Variants in LRIG1 observed in about 807,000 individuals in gnomAD.
LRIG1 encodes the protein leucine-rich repeats and immunoglobulin-like domains protein 1.
Under a neutral mutation model 99.2 loss-of-function variants are expected in LRIG1, and 48 were observed. That is an observed-to-expected ratio of 0.48 (90% confidence interval 0.38 to 0.62). The LOEUF (loss-of-function observed/expected upper bound fraction) is 0.62. LRIG1 is among the 20% of genes least tolerant of loss of function. LRIG1 has a pLI of 0.00. For missense variants in LRIG1, 1,646 were observed against 1,434.4 expected (o/e 1.15, Z -2.38); for synonymous variants, 772 against 596.1 (o/e 1.29, Z -4.30).
intron 3 of LRIG1, among the ~76,000 whole-genome samples, chr3:66,439,561 C>A (rs1703473039): frequency 2.1e-5 from 3 of 141,696 alleles, no homozygotes; most frequent in South Asian, 2.2e-4. Context: ...CATCTATTTA[C>A]TTTTTTTTTT....
intron 15 of LRIG1, 146 bp from the exon 16 acceptor site, chr3:66,382,544 A>G: frequency 1.1e-6 from 1 of 920,512 alleles, no homozygotes; most frequent in Non-Finnish European, 1.7e-6. Flanking sequence ...CATGTACGCA[A>G]CAGGCCCTCC....
At chr3:66,411,928 G>A (rs1575670761) in intron 6 of LRIG1, among the ~76,000 whole-genome samples, 1 of 112,674 alleles carries the variant, frequency 8.9e-6, no homozygotes, top group Admixed American at 1.3e-4. Flanking sequence ...GGTGAAGAGA[G>A]AATGAGGGGG....
At chr3:66,472,687 T>A (rs1317315638) in intron 1 of LRIG1, among the ~76,000 whole-genome samples, 2 of 152,138 alleles carry the variant, frequency 1.3e-5, no homozygotes, top group Non-Finnish European at 2.9e-5. Context: ...TGGGATAAAG[T>A]GATAAGAAAA....
rs138365541 is a variant in LRIG1 at position 66,500,930 on chromosome 3, A to AGCGC, written c.-527_-524dup. 9.9e-5 allele frequency: 15 copies of AGCGC among 150,906 alleles called. No individual in the cohort carries two copies. The highest frequency in any genetic ancestry group is 4.2e-4 in the South Asian group (2 of 4,798). 9.3% of individuals were successfully genotyped at this position (150,906 alleles called of 1,614,324 possible). On this transcript the variant is annotated 5_prime_UTR_variant, in exon 1 of 19. Coordinates refer to ENST00000273261, the MANE Select transcript of LRIG1 (RefSeq NM_015541.3). Reference sequence around the variant, plus strand: ...CGCTGTCCCCACGCCGCGGCCAGAGAGCGCGCGCGCGCGCGCAGCCTCGGG... The same window carrying AGCGC: ...CGCTGTCCCCACGCCGCGGCCAGAGAGCGCGCGCGCGCGCGCGCGCAGCCTCGGG...
Position 66,500,377 on chromosome 3 carries a change from C to T in LRIG1, c.31G>A (p.Ala11Thr), listed in dbSNP as rs1439361985. ...AGAAGGCAAGGCGAGCGGCGCGGGG[C>T]CCCGAGCCCTCCCCGGACCGGCCGC... Reference protein sequence around the residue: MARPVRGGLGAPRRSPCLLLL... With the variant: MARPVRGGLGTPRRSPCLLLL... Residue 11 changes from alanine (A) to threonine (T), a missense_variant, in exon 1 of 19, where the codon GCC becomes ACC. Coordinates refer to ENST00000273261, the MANE Select transcript of LRIG1 (RefSeq NM_015541.3). The T allele has an allele frequency of 2.7e-6, 4 of 1,469,740 alleles. No individual in the cohort carries two copies. In the African/African-American group the frequency reaches 4.4e-5, roughly 16 times the overall value. The allele number at this position is 1,469,740 out of a possible 1,614,324, so 91.0% of individuals were successfully genotyped here. A position where few individuals can be genotyped will look rare whatever the true frequency, so the allele number is the denominator to read the frequency against.
intron 3 of LRIG1, among the ~76,000 whole-genome samples, chr3:66,450,691 G>C (rs1703876563): frequency 6.6e-6 from 1 of 152,186 alleles, no homozygotes; most frequent in Non-Finnish European, 1.5e-5. Flanking sequence ...ATTGAGAAAA[G>C]ATTCATATAG....
Position 66,405,176 on chromosome 3 carries a change from G to A in LRIG1, c.1160+22C>T. 5 of 1,610,446 alleles carry A rather than the reference G, an allele frequency of 3.1e-6. No homozygotes were observed. The South Asian group carries it at 3.3e-5, about 11-fold the overall frequency. On this transcript the variant is annotated intron_variant, in intron 9 of 18. Transcript: ENST00000273261. ...TGTGTCCCGCGCATTTGCCGGCGGA[G>A]CTCCGTGCGGCGGATACTCACAGCT... is the stretch of plus-strand genomic sequence containing the variant.
At chr3:66,405,069 C>A (rs557377044) in intron 9 of LRIG1, 129 bp downstream of exon 9, 2 of 761,430 alleles carry the variant, frequency 2.6e-6, no homozygotes, top group East Asian at 5.4e-5. Context: ...AAGCTCTGCC[C>A]CAAACAAAAG....
intron 9 of LRIG1, chr3:66,404,172 G>A (rs1559780041): frequency 5.4e-6 from 6 of 1,113,738 alleles, no homozygotes; most frequent in Non-Finnish European, 6.0e-6. Context: ...TATAAAAGGT[G>A]CAAAAAGCCA....
intron 3 of LRIG1, among the ~76,000 whole-genome samples, chr3:66,441,464 T>G (rs1018276053): frequency 1.3e-5 from 2 of 151,832 alleles, no homozygotes; most frequent in Non-Finnish European, 2.9e-5. Context: ...TGAATTGACA[T>G]GAGAGAGAGA....
chr3:66,426,054 T>A (rs1172529987), intron 3 of LRIG1, among the ~76,000 whole-genome samples: 1 of 152,220 alleles, frequency 6.6e-6, no homozygotes. Flanking sequence ...AAAGATCTCA[T>A]GTCACAGATA....
chr3:66,500,388 C>A lies in LRIG1; in HGVS notation c.20G>T (p.Gly7Val). The A allele has an allele frequency of 2.8e-6, 4 of 1,439,652 alleles. No homozygotes were observed. The highest frequency in any genetic ancestry group is 3.6e-6 in the Non-Finnish European group (4 of 1,104,932). 89.2% of individuals were successfully genotyped at this position (1,439,652 alleles called of 1,614,324 possible). The change falls in exon 1 of 19, where the codon GGA becomes GTA. Residue 7 changes from glycine (G) to valine (V), a missense_variant. Physicochemically the swap from Gly to Val is moderately radical, Grantham distance 109 (BLOSUM62 -3). Transcript: ENST00000273261. ...CGAGCGGCGCGGGGCCCCGAGCCCT[C>A]CCCGGACCGGCCGCGCCATCTTGTC... MARPVRGGLGAPRRSPC... is the reference protein window; with the variant it reads MARPVRVGLGAPRRSPC...
chr3:66,486,750 G>A (rs529259118), intron 1 of LRIG1, among the ~76,000 whole-genome samples: 1 of 152,268 alleles, frequency 6.6e-6, no homozygotes, highest in African/African-American at 2.4e-5. Context: ...CAATCACTCT[G>A]CCAATTTCAC....
intron 9 of LRIG1, chr3:66,404,358 C>G: frequency 7.8e-7 from 1 of 1,280,484 alleles, no homozygotes; most frequent in African/African-American, 1.5e-5. Flanking sequence ...GCCGTCCTCT[C>G]TGTCTTGCCC....
intron 3 of LRIG1, among the ~76,000 whole-genome samples, chr3:66,419,297 T>A (rs750006752): frequency 1.3e-5 from 2 of 152,084 alleles, no homozygotes; most frequent in African/African-American, 4.8e-5. Flanking sequence ...TGTGGTCCGG[T>A]ACCTTTTGCT....
Position 66,399,044 on chromosome 3 carries a change from G to A in LRIG1, c.1161-3C>T, listed in dbSNP as rs1445915218. 1.2e-6 allele frequency: 2 copies of A among 1,613,196 alleles called. No individual in the cohort carries two copies. Among genetic ancestry groups the A allele is most frequent in the African/African-American group, 1.3e-5 (1 of 74,906 alleles). On this transcript the variant is annotated splice_region_variant and splice_polypyrimidine_tract_variant and intron_variant, in intron 9 of 18. Coordinates refer to ENST00000273261, the MANE Select transcript of LRIG1 (RefSeq NM_015541.3). The stretch of plus-strand genomic sequence containing the variant: ...TGATCTTGTTTCCAAACAGAGTCCT[G>A]TAGTTTCCAAACATCCAGAAATTAA...
intron 13 of LRIG1, 85 bp downstream of exon 13, chr3:66,385,896 T>G: frequency 8.1e-7 from 1 of 1,230,140 alleles, no homozygotes; most frequent in Non-Finnish European, 1.2e-6. Context: ...CCTGTCTCAG[T>G]CATCTCTACA....
At chr3:66,496,352 A>C (rs1701227673) in intron 1 of LRIG1, among the ~76,000 whole-genome samples, 1 of 152,204 alleles carries the variant, frequency 6.6e-6, no homozygotes, top group Non-Finnish European at 1.5e-5. Flanking sequence ...AATAGATATT[A>C]CGGCCACAAT....
chr3:66,394,013 G>A (rs748526487), intron 12 of LRIG1, 27 bp downstream of exon 12: 33 of 1,612,642 alleles, frequency 2.0e-5, no homozygotes, highest in Admixed American at 1.8e-4. Context: ...TCATGAAGGA[G>A]AGAAAAAGTT....
Sources: gnomAD v4.1 joint callset for allele counts (sites outside exome capture counted in the v4.1 genomes callset) on GRCh38, gnomAD v4.1.1 for gene constraint, MANE v1.5 for transcripts, NCBI Gene and HGNC (gene_info 2026-07-23, HGNC 2026-07-21) for gene names.